The following CCDC50 variants were observed in gnomAD, a reference collection of about 807,000 sequenced individuals.
CCDC50 encodes the protein coiled-coil domain containing 50, also known as coiled-coil domain-containing protein 50.
CCDC50 carries 54 observed loss-of-function variants against 70.2 expected under a neutral mutation model. The ratio of observed to expected loss-of-function variants is 0.77; its 90% confidence interval spans 0.62 to 0.96. The LOEUF is 0.96. Among genes scored for constraint, CCDC50 ranks in the 50% least tolerant of loss-of-function variants. The probability of loss-of-function intolerance (pLI) is 0.00; values close to 1 mark genes in which losing one functional copy is unlikely to be tolerated. For synonymous variants in CCDC50, 216 were observed against 198.8 expected (o/e 1.09, Z -0.73); for missense variants, 558 against 578.7 (o/e 0.96, Z 0.37).
intron 1 of CCDC50, chr3:191,330,328 C>CACACACAA (rs1491569698): frequency 1.0e-4 from 15 of 146,920 alleles, no homozygotes; most frequent in African/African-American, 3.3e-4. Context: ...CACACACACA[C>CACACACAA]AATAGTGAGC....
intron 1 of CCDC50, among the ~76,000 whole-genome samples, chr3:191,342,304 ACT>A (rs1277721718): frequency 1.2e-4 from 18 of 152,110 alleles, no homozygotes; most frequent in African/African-American, 3.9e-4. Flanking sequence ...TTATCCCATG[ACT>A]CTATCTAAAG....
rs765505062 is a variant in CCDC50, at chr3:191,391,792, A to G, written c.*32A>G. On this transcript the variant is annotated 3_prime_UTR_variant, in exon 12 of 12. Transcript: ENST00000392455. ...AGGAATCTGCCTTGAAAATGGACTC[A>G]CTATAGCAAATATTACTGGGTGATA... is the stretch of plus-strand genomic sequence containing the variant. 10 of 1,591,974 alleles carry G rather than the reference A, an allele frequency of 6.3e-6. No individual in the cohort carries two copies. The highest frequency in any genetic ancestry group is 8.6e-6 in the Non-Finnish European group (10 of 1,160,424).
At chr3:191,375,654 A>G (rs145558517) in intron 6 of CCDC50, 65 bp downstream of exon 6, 2 of 1,526,214 alleles carry the variant, frequency 1.3e-6, no homozygotes, top group East Asian at 2.4e-5. Flanking sequence ...CAATGAATTT[A>G]ATAAGTACCT....
chr3:191,390,597 G>A (rs1313587750), intron 11 of CCDC50, among the ~76,000 whole-genome samples: 1 of 152,132 alleles, frequency 6.6e-6, no homozygotes, highest in Non-Finnish European at 1.5e-5. Flanking sequence ...ATGTTCCCAT[G>A]GCATCTGTAA....
chr3:191,353,034 A>G (rs1372872795), intron 1 of CCDC50, among the ~76,000 whole-genome samples: 3 of 141,736 alleles, frequency 2.1e-5, no homozygotes, highest in African/African-American at 7.6e-5. Context: ...GTACACCCAC[A>G]AAGTCCCTGC....
At chr3:191,372,658 T>C (rs181604813) in intron 5 of CCDC50, among the ~76,000 whole-genome samples, 7 of 152,240 alleles carry the variant, frequency 4.6e-5, no homozygotes, top group Admixed American at 4.6e-4. Flanking sequence ...CATTATCTAT[T>C]AGAATGATTA....
Position 191,365,783 on chromosome 3 carries a change from C to T in CCDC50, c.331-4136C>T, listed in dbSNP as rs544521038. Among the ~76,000 whole-genome samples, 25 of 152,194 alleles carry T rather than the reference C, an allele frequency of 1.6e-4. No homozygotes were observed. In the South Asian group the frequency reaches 3.7e-3, roughly 23 times the overall value. On this transcript the variant is annotated intron_variant, in intron 4 of 11. Transcript: ENST00000392455. ...TTGCCATTGGAGGATAGAGGTGAAACGCTGAGAAGTAACTCTCTATCCCTT... is the reference window on the plus strand; with the variant it reads ...TTGCCATTGGAGGATAGAGGTGAAATGCTGAGAAGTAACTCTCTATCCCTT...
chr3:191,353,177 A>G (rs1712159011), intron 1 of CCDC50, among the ~76,000 whole-genome samples: 1 of 142,292 alleles, frequency 7.0e-6, no homozygotes. Context: ...AAAGAGACTT[A>G]GCCACCATCC....
chr3:191,356,993 G>T (rs1197179719), intron 1 of CCDC50, 95 bp from the exon 2 acceptor site: 1 of 786,648 alleles, frequency 1.3e-6, no homozygotes, highest in Non-Finnish European at 2.2e-6. Context: ...TATTAGAATT[G>T]ATTTTTTTTA....
At chr3:191,358,345 A>G (rs904476832) in intron 3 of CCDC50, among the ~76,000 whole-genome samples, 2 of 152,178 alleles carry the variant, frequency 1.3e-5, no homozygotes, top group African/African-American at 4.8e-5. Context: ...GATGGTGTGA[A>G]TTTTAACATT....
chr3:191,390,911 C>T (rs557756756), intron 11 of CCDC50, among the ~76,000 whole-genome samples: 11 of 152,224 alleles, frequency 7.2e-5, no homozygotes, highest in African/African-American at 2.6e-4. Context: ...GACAGAGGAA[C>T]GTATTTGCTC....
rs144001475 is a variant in CCDC50 at position 191,359,577 on chromosome 3, G to A, written c.239+1453G>A. Among the ~76,000 whole-genome samples the A allele has an allele frequency of 6.6e-4, 101 of 152,254 alleles. 1 individual carries two copies. Among genetic ancestry groups the A allele is most frequent in the Non-Finnish European group, 7.6e-4 (52 of 68,014 alleles). On this transcript the variant is annotated intron_variant, in intron 3 of 11. Transcript: ENST00000392455. ...GGCTTGGAGTGGGCAAGATTTGAAG[G>A]CAGCTGTTGAGCAATGGTCAAATTA...
Position 191,394,415 on chromosome 3 carries a change from CTT to C in CCDC50, c.*2658_*2659del, listed in dbSNP as rs1445658357. ...CTGTATTTTAATGAACTGCCAGACA[CTT>C]TTCACTGTGTTCTCTGCTTTTTACT... On this transcript the variant is annotated 3_prime_UTR_variant, in exon 12 of 12. Transcript: ENST00000392455. The C allele has an allele frequency of 6.6e-6, 1 of 152,094 alleles. No homozygotes were observed. The highest frequency in any genetic ancestry group is 2.4e-5 in the African/African-American group (1 of 41,432). The allele number at this position is 152,094 out of a possible 1,614,324, so 9.4% of individuals were successfully genotyped here. A position where few individuals can be genotyped will look rare whatever the true frequency, so the allele number is the denominator to read the frequency against.
rs1713726945 is a variant in CCDC50, at chr3:191,392,455, TC to T, written c.*696del. The stretch of plus-strand genomic sequence containing the variant: ...TAGTATTTATTGACAAAAATTTAGT[TC>T]TCTGAAATTTTAACTCATATATATG... On this transcript the variant is annotated 3_prime_UTR_variant, in exon 12 of 12. Coordinates refer to ENST00000392455, the MANE Select transcript of CCDC50 (RefSeq NM_178335.3). 1 of 152,190 alleles carries T rather than the reference TC, an allele frequency of 6.6e-6. No homozygotes were observed. Among genetic ancestry groups the T allele is most frequent in the Admixed American group, 6.5e-5 (1 of 15,276 alleles). The allele number at this position is 152,190 out of a possible 1,614,324, so 9.4% of individuals were successfully genotyped here.
intron 4 of CCDC50, 101 bp downstream of exon 4, chr3:191,361,260 A>G (rs1177418907): frequency 3.0e-5 from 24 of 810,498 alleles, no homozygotes; most frequent in Non-Finnish European, 4.7e-5. Context: ...GGGTTTCTGA[A>G]TGGGAAGCAG....
intron 6 of CCDC50, among the ~76,000 whole-genome samples, chr3:191,379,525 A>T (rs1003564231): frequency 6.6e-6 from 1 of 152,238 alleles, no homozygotes; most frequent in East Asian, 1.9e-4. Flanking sequence ...TGTGCTCTCA[A>T]TATAGCTCTG....
chr3:191,329,605 G>C lies in CCDC50; in HGVS notation c.-70G>C, dbSNP rs1200276499. ...CGCGTCCGGCGCTGCTGCTGCGCTC[G>C]GGGCCCCGCTCGGCGCCGGCGGTGA... On this transcript the variant is annotated 5_prime_UTR_variant, in exon 1 of 12. Coordinates refer to ENST00000392455, the MANE Select transcript of CCDC50 (RefSeq NM_178335.3). 1.3e-6 allele frequency: 2 copies of C among 1,529,084 alleles called. No homozygotes were observed. Among genetic ancestry groups the C allele is most frequent in the South Asian group, 1.2e-5 (1 of 83,806 alleles). The allele number at this position is 1,529,084 out of a possible 1,614,324, so 94.7% of individuals were successfully genotyped here.
rs1377911128 is a variant in CCDC50, at chr3:191,375,234, T to C, written c.621T>C (p.Ser207=). ...HCSSKRSLSS[S]SSGKGRDNPH... Reference sequence around the variant, plus strand: ...CATCGAAGAGATCCCTGTCATCCTCTAGCTCGGGCAAAGGGAGGGACAATC... The same window carrying C: ...CATCGAAGAGATCCCTGTCATCCTCCAGCTCGGGCAAAGGGAGGGACAATC... The change falls in exon 6 of 12, where the codon TCT becomes TCC. Residue 207 remains serine (S), a synonymous_variant. Coordinates refer to ENST00000392455, the MANE Select transcript of CCDC50 (RefSeq NM_178335.3). 6.8e-6 allele frequency: 11 copies of C among 1,613,644 alleles called. No homozygotes were observed. The highest frequency in any genetic ancestry group is 9.3e-6 in the Non-Finnish European group (11 of 1,179,814).
intron 1 of CCDC50, among the ~76,000 whole-genome samples, chr3:191,340,912 T>C (rs981903936): frequency 6.6e-6 from 1 of 152,204 alleles, no homozygotes; most frequent in Non-Finnish European, 1.5e-5. Context: ...CATAGCTCAC[T>C]GTGGCCTCAA....
Sources: gnomAD v4.1 joint callset for allele counts (sites outside exome capture counted in the v4.1 genomes callset) on GRCh38, gnomAD v4.1.1 for gene constraint, MANE v1.5 for transcripts, NCBI Gene and HGNC (gene_info 2026-07-23, HGNC 2026-07-21) for gene names.